TNS3: variants seen among roughly 807,000 people sequenced by gnomAD.
TNS3 encodes the protein tensin 3, also known as tensin-3.
TNS3 carries 45 observed loss-of-function variants against 140.9 expected under a neutral mutation model. The observed-to-expected ratio is 0.32, with a 90% CI of 0.25 to 0.41. TNS3 has a LOEUF of 0.41. Among genes scored for constraint, TNS3 ranks in the 10% least tolerant of loss-of-function variants. The pLI is 1.00. For missense variants in TNS3, 1,716 were observed against 1,906.7 expected, an observed-to-expected ratio of 0.90 and a Z score of 1.86; for synonymous variants, 815 against 788.4, an observed-to-expected ratio of 1.03 and a Z score of -0.56.
At chr7:47,403,687 A>G (rs925014433) in intron 13 of TNS3, among the ~76,000 whole-genome samples, 1 of 152,208 alleles carries the variant, frequency 6.6e-6, no homozygotes, top group Non-Finnish European at 1.5e-5. Flanking sequence ...AAGACACGGA[A>G]AACCACAGGA....
At chr7:47,487,814 T>A (rs1797667343) in intron 3 of TNS3, among the ~76,000 whole-genome samples, 1 of 152,212 alleles carries the variant, frequency 6.6e-6, no homozygotes. Context: ...GAAATGAAGT[T>A]TACTTTTATT....
intron 7 of TNS3, 39 bp downstream of exon 7, chr7:47,437,223 AT>A: frequency 7.0e-7 from 1 of 1,424,314 alleles, no homozygotes; most frequent in African/African-American, 1.5e-5. Flanking sequence ...CATTGTTTAC[AT>A]TTTACAAAAT....
intron 10 of TNS3, among the ~76,000 whole-genome samples, chr7:47,423,623 T>G (rs1400891543): frequency 3.9e-5 from 6 of 152,248 alleles, no homozygotes; most frequent in African/African-American, 1.4e-4. Context: ...AGTAAAGTTT[T>G]ATTGCAATAC....
intron 4 of TNS3, among the ~76,000 whole-genome samples, chr7:47,476,840 G>T (rs907607269): frequency 6.6e-6 from 1 of 152,162 alleles, no homozygotes; most frequent in Non-Finnish European, 1.5e-5. Context: ...ACAAAGGGAG[G>T]TTTGCCTCCC....
intron 20 of TNS3, among the ~76,000 whole-genome samples, chr7:47,320,936 C>T (rs528448979): frequency 6.6e-6 from 1 of 152,176 alleles, no homozygotes; most frequent in African/African-American, 2.4e-5. Context: ...GGGCCTGGCC[C>T]CTGGCAAGCA....
intron 16 of TNS3, among the ~76,000 whole-genome samples, chr7:47,377,447 A>G (rs1275762265): frequency 2.6e-5 from 4 of 152,158 alleles, no homozygotes; most frequent in Non-Finnish European, 5.9e-5. Context: ...CCAGGAGAAG[A>G]GTGGGGCTGC....
chr7:47,414,299 CA>C (rs1793953721), intron 11 of TNS3, among the ~76,000 whole-genome samples: 1 of 152,148 alleles, frequency 6.6e-6, no homozygotes, highest in South Asian at 2.1e-4. Context: ...CCATAATGAC[CA>C]GGGGGACCTG....
At chr7:47,544,344 C>T (rs978697808) in intron 1 of TNS3, among the ~76,000 whole-genome samples, 3 of 152,170 alleles carry the variant, frequency 2.0e-5, no homozygotes, top group Non-Finnish European at 4.4e-5. Flanking sequence ...CATGGTAAAA[C>T]GGACCCCCAC....
chr7:47,530,838 A>AAAAAAAAAATAGATATAT, intron 1 of TNS3, among the ~76,000 whole-genome samples: 1 of 54,566 alleles, frequency 1.8e-5, no homozygotes, highest in African/African-American at 7.9e-5. Context: ...AAAAAAAAAA[A>AAAAAAAAAATAGATATAT]ATATATATAT....
intron 12 of TNS3, 35 bp downstream of exon 12, chr7:47,413,902 C>G (rs764274974): frequency 6.2e-7 from 1 of 1,612,764 alleles, no homozygotes; most frequent in Non-Finnish European, 8.5e-7. Context: ...CCGTCCAGGT[C>G]CCACAACAGC....
Position 47,453,367 on chromosome 7 carries a change from T to C in TNS3, c.-75-11312A>G, listed in dbSNP as rs77912888. On this transcript the variant is annotated intron_variant, in intron 4 of 30. Coordinates refer to ENST00000311160, the MANE Select transcript of TNS3 (RefSeq NM_022748.12). ...CTAGGGAGAACCGCCTCTCAAAAGT[T>C]CCCCCAGGAAAAACAAAACCTACTT... 4.6e-3 allele frequency: 2,613 copies of C among 566,184 alleles called. 12 individuals carry two copies. The highest frequency in any genetic ancestry group is 6.2e-3 in the Admixed American group (98 of 15,696). The allele number at this position is 566,184 out of a possible 1,614,324, so 35.1% of individuals were successfully genotyped here.
chr7:47,491,226 T>C (rs372283653), intron 3 of TNS3, among the ~76,000 whole-genome samples: 15 of 152,344 alleles, frequency 9.8e-5, no homozygotes, highest in East Asian at 3.9e-4. Flanking sequence ...TGTTCTTGAA[T>C]GTAAGCTTCG....
At chr7:47,469,973 C>A (rs1436457845) in intron 4 of TNS3, among the ~76,000 whole-genome samples, 132 of 64,852 alleles carry the variant, frequency 2.0e-3, no homozygotes, top group Middle Eastern at 0.011. Flanking sequence ...AACTCTGTCT[C>A]AAAAAAAAAA....
In TNS3 at chr7:47,346,189, C is replaced by G; in HGVS notation, c.2449G>C (p.Glu817Gln). ...TGGGACCTGGCTGTGGCACATACCT[C>G]TTTGACGTCCGCTGGTGAGGGGAAT... is the stretch of plus-strand genomic sequence containing the variant. ...PPFPSPADVK[E>Q]TMTPGYPQDL... is the part of the protein sequence containing the mutation. Residue 817 changes from glutamate (E) to glutamine (Q), a missense_variant and splice_region_variant, in exon 18 of 31, where the codon GAG becomes CAG. By Grantham distance (29) the Glu-to-Gln change is conservative (BLOSUM62 2). Coordinates refer to ENST00000311160, the MANE Select transcript of TNS3 (RefSeq NM_022748.12). The G allele has an allele frequency of 1.2e-6, 2 of 1,613,950 alleles. No homozygotes were observed. Among genetic ancestry groups the G allele is most frequent in the Non-Finnish European group, 1.7e-6 (2 of 1,179,852 alleles).
chr7:47,511,065 G>T (rs558123196), intron 2 of TNS3, among the ~76,000 whole-genome samples: 14 of 152,328 alleles, frequency 9.2e-5, no homozygotes, highest in African/African-American at 2.9e-4. Context: ...TCCACACCGG[G>T]TAAAAGATGC....
chr7:47,495,190 CAA>C lies in TNS3; in HGVS notation c.-115+11715_-115+11716del, dbSNP rs11353260. ...TGGGCGACAGAGCCAGACTCCGTCT[CAA>C]AAAAAAAAAAAAAAAAAAAGAAACG... On this transcript the variant is annotated intron_variant, in intron 3 of 30. Transcript: ENST00000311160. Among the ~76,000 whole-genome samples the C allele has an allele frequency of 2.4e-3, 192 of 79,632 alleles. 1 individual carries two copies. The highest frequency in any genetic ancestry group is 0.016 in the East Asian group (50 of 3,082). 52.2% of individuals were successfully genotyped at this position (79,632 alleles called of 152,430 possible).
intron 20 of TNS3, among the ~76,000 whole-genome samples, chr7:47,314,713 G>T (rs929049636): frequency 1.3e-5 from 2 of 152,206 alleles, no homozygotes; most frequent in African/African-American, 4.8e-5. Context: ...TCAGGTGCCT[G>T]TATCCTCAGC....
Position 47,369,611 on chromosome 7 carries a change from C to G in TNS3, c.1035G>C (p.Thr345=). Residue 345 remains threonine, a synonymous_variant, in exon 17 of 31, where the codon ACG becomes ACC. Transcript: ENST00000311160. ...NLSADGEVLH[T]QGPVDGSLYA... ...AAAGGCTGCCATCGACAGGGCCCTG[C>G]GTGTGTAGCACTGCGGGGGAGAAAA... is the stretch of plus-strand genomic sequence containing the variant. 6.3e-7 allele frequency: 1 copy of G among 1,579,122 alleles called. No homozygotes were observed. The highest frequency in any genetic ancestry group is 8.6e-7 in the Non-Finnish European group (1 of 1,162,250).
chr7:47,341,103 C>A (rs1788985448), intron 20 of TNS3, among the ~76,000 whole-genome samples: 1 of 152,156 alleles, frequency 6.6e-6, no homozygotes, highest in African/African-American at 2.4e-5. Flanking sequence ...CATTTGGCTA[C>A]AGTGTGTCAA....
Sources: gnomAD v4.1 joint callset for allele counts (sites outside exome capture counted in the v4.1 genomes callset) on GRCh38, gnomAD v4.1.1 for gene constraint, MANE v1.5 for transcripts, NCBI Gene and HGNC (gene_info 2026-07-23, HGNC 2026-07-21) for gene names.